The following DIP2C variants were observed in gnomAD, a reference collection of about 807,000 sequenced individuals.
The protein encoded by DIP2C is DIP2 acetate--CoA ligase C (putative).
A neutral mutation model predicts 192.4 loss-of-function variants in DIP2C; 33 were observed. That is an observed-to-expected ratio of 0.17 (90% CI 0.13 to 0.23). The LOEUF (loss-of-function observed/expected upper bound fraction) is 0.23. Ranked by LOEUF, DIP2C falls within the 10% of genes least tolerant of loss-of-function variation. DIP2C has a pLI of 1.00. For missense variants in DIP2C, 1,537 were observed against 2,110.1 expected (o/e 0.73, Z 5.32); for synonymous variants, 979 against 864.1 (o/e 1.13, Z -2.33).
intron 28 of DIP2C, among the ~76,000 whole-genome samples, chr10:342,837 AT>A (rs2132571754): frequency 6.6e-6 from 1 of 152,300 alleles, no homozygotes; most frequent in Admixed American, 6.5e-5. Context: ...AATCCCTGTA[AT>A]AGTCCCCCTA....
intron 29 of DIP2C, among the ~76,000 whole-genome samples, chr10:333,641 G>C (rs1957603980): frequency 1.3e-5 from 2 of 152,332 alleles, no homozygotes; most frequent in South Asian, 4.1e-4. Context: ...CTTTCTCCTA[G>C]GAGTGCAGCT....
intron 1 of DIP2C, among the ~76,000 whole-genome samples, chr10:616,966 ACT>A (rs1170843978): frequency 6.6e-6 from 1 of 152,032 alleles, no homozygotes; most frequent in Non-Finnish European, 1.5e-5. Flanking sequence ...CCCCATCCCC[ACT>A]GAGACTCCGT....
chr10:615,845 G>A (rs567680411), intron 1 of DIP2C, among the ~76,000 whole-genome samples: 2 of 152,228 alleles, frequency 1.3e-5, no homozygotes, highest in Non-Finnish European at 2.9e-5. Context: ...CACCCAAAAG[G>A]GCTTTAGGAA....
chr10:337,628 G>C (rs1223876949), intron 29 of DIP2C, among the ~76,000 whole-genome samples: 3 of 135,118 alleles, frequency 2.2e-5, no homozygotes, highest in Non-Finnish European at 4.8e-5. Flanking sequence ...GTGTGTGTGT[G>C]CGCACGTGTG....
At chr10:551,635 G>C (rs532301986) in intron 1 of DIP2C, among the ~76,000 whole-genome samples, 3 of 152,184 alleles carry the variant, frequency 2.0e-5, no homozygotes, top group Non-Finnish European at 4.4e-5. Context: ...ACTCAGCCCC[G>C]AGTGTGAACA....
At chr10:533,774 G>T (rs893399465) in intron 1 of DIP2C, among the ~76,000 whole-genome samples, 1 of 152,078 alleles carries the variant, frequency 6.6e-6, no homozygotes, top group South Asian at 2.1e-4. Context: ...GCTTAGTGAC[G>T]GGCACCTACT....
At chr10:544,025 C>A (rs1412714148) in intron 1 of DIP2C, among the ~76,000 whole-genome samples, 1 of 151,802 alleles carries the variant, frequency 6.6e-6, no homozygotes, top group East Asian at 1.9e-4. Context: ...TTGACGTGAC[C>A]TTTGGTGCCA....
chr10:355,829 C>A (rs759574025), intron 24 of DIP2C, among the ~76,000 whole-genome samples: 21 of 152,176 alleles, frequency 1.4e-4, no homozygotes, highest in Non-Finnish European at 2.6e-4. Context: ...GTAATCCCAG[C>A]ACTTTGGGAG....
rs1341316507 is a variant in DIP2C at position 650,494 on chromosome 10, G to A, written c.85+39000C>T. ...GAGAGTCCACGGCCACTTCTACTGG[G>A]TTCCCTATACTCTTCCCCTGCCCCA... On this transcript the variant is annotated intron_variant, in intron 1 of 36. Transcript: ENST00000280886. 4.3e-6 allele frequency: 3 copies of A among 701,076 alleles called. No homozygotes were observed. The African/African-American group carries it at 5.2e-5, about 12-fold the overall frequency. 43.4% of individuals were successfully genotyped at this position (701,076 alleles called of 1,614,324 possible). A position where few individuals can be genotyped will look rare whatever the true frequency, so the allele number is the denominator to read the frequency against.
intron 1 of DIP2C, among the ~76,000 whole-genome samples, chr10:654,553 T>C (rs1300878248): frequency 1.3e-5 from 2 of 152,180 alleles, no homozygotes; most frequent in Non-Finnish European, 2.9e-5. Flanking sequence ...GACAACTGTT[T>C]ACAGAAAACA....
At chr10:576,187 T>C (rs896759782) in intron 1 of DIP2C, among the ~76,000 whole-genome samples, 1 of 152,218 alleles carries the variant, frequency 6.6e-6, no homozygotes, top group South Asian at 2.1e-4. Context: ...CCAGCATTTA[T>C]AAATGGTATC....
intron 1 of DIP2C, among the ~76,000 whole-genome samples, chr10:637,546 T>A (rs1428729345): frequency 6.6e-6 from 1 of 152,180 alleles, no homozygotes; most frequent in Non-Finnish European, 1.5e-5. Flanking sequence ...CTCTCTGTAG[T>A]CCCTTTTATG....
chr10:337,384 T>A lies in DIP2C; in HGVS notation c.3584+3815A>T, dbSNP rs570340215. Among the ~76,000 whole-genome samples, 772 of 140,226 alleles carry A rather than the reference T, an allele frequency of 5.5e-3. 12 individuals are homozygous for A. The highest frequency in any genetic ancestry group is 9.8e-3 in the Admixed American group (134 of 13,702). The allele number at this position is 140,226 out of a possible 152,430, so 92.0% of individuals were successfully genotyped here. A position where few individuals can be genotyped will look rare whatever the true frequency, so the allele number is the denominator to read the frequency against. ...TGTTGTGGAGGCCTAGGCAGCTGTG[T>A]GTGTGTCGTGGAGGCCTACGTAGCT... On this transcript the variant is annotated intron_variant, in intron 29 of 36. Transcript: ENST00000280886.
At chr10:601,587 T>A (rs979791787) in intron 1 of DIP2C, among the ~76,000 whole-genome samples, 4 of 152,220 alleles carry the variant, frequency 2.6e-5, no homozygotes, top group African/African-American at 7.2e-5. Flanking sequence ...TGCAGACTTG[T>A]GGCAGAGACT....
intron 1 of DIP2C, among the ~76,000 whole-genome samples, chr10:579,093 C>T (rs1046589754): frequency 8.5e-5 from 13 of 152,238 alleles, no homozygotes; most frequent in African/African-American, 2.4e-4. Flanking sequence ...TACACACATG[C>T]AGATCCATGT....
chr10:277,597 G>A lies in DIP2C; in HGVS notation c.4419-20C>T, dbSNP rs372322081. 5 of 1,611,626 alleles carry A rather than the reference G, an allele frequency of 3.1e-6. No individual in the cohort carries two copies. The highest frequency in any genetic ancestry group is 4.2e-6 in the Non-Finnish European group (5 of 1,178,804). ...ACAGCACTAAAAGACAGAAAAGAAA[G>A]CCATCATTATATGTTTATTAATGCT... is the stretch of plus-strand genomic sequence containing the variant. On this transcript the variant is annotated intron_variant, in intron 36 of 36. Transcript: ENST00000280886.
chr10:547,154 C>T (rs553842938), intron 1 of DIP2C, among the ~76,000 whole-genome samples: 1 of 152,298 alleles, frequency 6.6e-6, no homozygotes, highest in East Asian at 1.9e-4. Flanking sequence ...AGAGGGAACC[C>T]GGAATCCCGG....
chr10:343,050 G>T (rs1181912597), intron 28 of DIP2C, among the ~76,000 whole-genome samples: 1 of 152,198 alleles, frequency 6.6e-6, no homozygotes, highest in Non-Finnish European at 1.5e-5. Flanking sequence ...AGCACTTTGG[G>T]AGGCCGAGGC....
intron 30 of DIP2C, among the ~76,000 whole-genome samples, chr10:327,958 G>A (rs533126083): frequency 9.8e-5 from 15 of 152,288 alleles, no homozygotes; most frequent in African/African-American, 3.6e-4. Flanking sequence ...CCGAGCAGAG[G>A]GAAAGTAAGG....
Sources: allele counts gnomAD v4.1 joint callset (sites outside exome capture counted in the v4.1 genomes callset), GRCh38; gene constraint gnomAD v4.1.1; transcripts MANE v1.5; gene names NCBI Gene and HGNC (gene_info 2026-07-23, HGNC 2026-07-21).